Variants in FHIT observed in about 807,000 individuals in gnomAD.
The protein encoded by FHIT is bis(5'-adenosyl)-triphosphatase.
A neutral mutation model predicts 17.9 loss-of-function variants in FHIT; 19 were observed. The ratio of observed to expected loss-of-function variants is 1.06; its 90% CI spans 0.74 to 1.56. The LOEUF (loss-of-function observed/expected upper bound fraction) is 1.56, where lower values mean the gene tolerates loss of function less well. FHIT is among the 40% of genes most tolerant of loss of function. FHIT has a pLI of 0.00. For missense variants in FHIT, 248 were observed against 189.2 expected (o/e 1.31, Z -1.82); for synonymous variants, 81 against 69.7 (o/e 1.16, Z -0.81).
chr3:59,916,893 T>G (rs1301062459), intron 8 of FHIT, among the ~76,000 whole-genome samples: 1 of 152,184 alleles, frequency 6.6e-6, no homozygotes, highest in African/African-American at 2.4e-5. Context: ...AAGTTTTCAT[T>G]CCAAAATTCT....
chr3:60,340,784 C>G (rs555369683), intron 5 of FHIT, among the ~76,000 whole-genome samples: 2 of 152,146 alleles, frequency 1.3e-5, no homozygotes, highest in South Asian at 4.2e-4. Flanking sequence ...CTTGGCTCAC[C>G]ACAACCTTTG....
At chr3:60,517,592 A>T (rs1307062399) in intron 5 of FHIT, among the ~76,000 whole-genome samples, 1 of 152,224 alleles carries the variant, frequency 6.6e-6, no homozygotes, top group Non-Finnish European at 1.5e-5. Flanking sequence ...TATATGGCTT[A>T]TCATTTTTAA....
intron 7 of FHIT, among the ~76,000 whole-genome samples, chr3:60,007,850 T>C (rs1008881305): frequency 6.6e-6 from 1 of 152,090 alleles, no homozygotes; most frequent in Admixed American, 6.5e-5. Context: ...GAAGGTCTTA[T>C]GACCTACTTG....
At chr3:60,558,701 G>A (rs867292602) in intron 4 of FHIT, among the ~76,000 whole-genome samples, 1 of 152,184 alleles carries the variant, frequency 6.6e-6, no homozygotes, top group South Asian at 2.1e-4. Flanking sequence ...CACTCATGTT[G>A]TGGCATCTTC....
At chr3:61,154,258 C>CAA (rs1435748275) in intron 2 of FHIT, among the ~76,000 whole-genome samples, 2 of 152,168 alleles carry the variant, frequency 1.3e-5, no homozygotes, top group Non-Finnish European at 2.9e-5. Context: ...GGACCATTTA[C>CAA]ACTAAATGAA....
rs193031033 is a variant in FHIT, at chr3:60,176,905, A to G, written c.104-162753T>C. 5.3e-5 allele frequency among the ~76,000 whole-genome samples: 8 copies of G among 152,254 alleles called. No individual in the cohort carries two copies. In the East Asian group the frequency reaches 1.4e-3, roughly 26 times the overall value. Reference sequence around the variant, plus strand: ...CTTAATGTTTTCTCCAATTCCTCTAACTCAGGGAAAAGGATCATGGAAAGA... The same window carrying G: ...CTTAATGTTTTCTCCAATTCCTCTAGCTCAGGGAAAAGGATCATGGAAAGA... On this transcript the variant is annotated intron_variant, in intron 5 of 9. Transcript: ENST00000492590.
chr3:60,713,531 C>T (rs2041598177), intron 4 of FHIT, among the ~76,000 whole-genome samples: 1 of 150,014 alleles, frequency 6.7e-6, no homozygotes, highest in Non-Finnish European at 1.5e-5. Flanking sequence ...AGACCGCTAG[C>T]AAGACTAATA....
intron 4 of FHIT, among the ~76,000 whole-genome samples, chr3:60,584,785 CTTT>C (rs2037854497): frequency 1.3e-5 from 2 of 151,898 alleles, no homozygotes; most frequent in African/African-American, 4.8e-5. Context: ...AGCCTATTCC[CTTT>C]TTTATTTTTG....
At chr3:60,518,146 C>T (rs925932090) in intron 5 of FHIT, among the ~76,000 whole-genome samples, 3 of 151,970 alleles carry the variant, frequency 2.0e-5, no homozygotes, top group African/African-American at 7.3e-5. Context: ...CATAAATGAC[C>T]AAGTTGACAA....
chr3:60,533,077 C>A (rs778730641), intron 5 of FHIT, among the ~76,000 whole-genome samples: 1 of 152,140 alleles, frequency 6.6e-6, no homozygotes, highest in Non-Finnish European at 1.5e-5. Flanking sequence ...AAAGAAATGG[C>A]AAAGAACCTT....
intron 8 of FHIT, among the ~76,000 whole-genome samples, chr3:59,852,581 A>G (rs917434343): frequency 4.6e-5 from 7 of 152,134 alleles, no homozygotes; most frequent in African/African-American, 7.2e-5. Context: ...TGTACATTCT[A>G]TGGGTTTGGG....
At chr3:60,782,794 C>G (rs944567972) in intron 4 of FHIT, among the ~76,000 whole-genome samples, 1 of 152,178 alleles carries the variant, frequency 6.6e-6, no homozygotes, top group Non-Finnish European at 1.5e-5. Context: ...GTCTTGCTCT[C>G]TGCTTCCAAG....
At chr3:59,862,049 C>A (rs1235048068) in intron 8 of FHIT, among the ~76,000 whole-genome samples, 1 of 151,946 alleles carries the variant, frequency 6.6e-6, no homozygotes, top group Non-Finnish European at 1.5e-5. Context: ...CTACAGTGTA[C>A]CCTGCCAGTA....
chr3:60,834,886 A>G lies in FHIT; in HGVS notation c.-110-12875T>C, dbSNP rs1211920004. 9.2e-5 allele frequency among the ~76,000 whole-genome samples: 14 copies of G among 151,842 alleles called. No homozygotes were observed. The East Asian group carries it at 1.4e-3, about 15-fold the overall frequency. ...TCTCAAAAAAGAAAAGAAAAGAAAA[A>G]AAAAAAAAAAAACTCTTTCACGGTG... is the stretch of plus-strand genomic sequence containing the variant. On this transcript the variant is annotated intron_variant, in intron 3 of 9. Coordinates refer to ENST00000492590, the MANE Select transcript of FHIT (RefSeq NM_002012.4).
chr3:60,613,507 A>G (rs965025198), intron 4 of FHIT, among the ~76,000 whole-genome samples: 2 of 152,254 alleles, frequency 1.3e-5, no homozygotes, highest in Admixed American at 6.5e-5. Context: ...TCCTGAATGA[A>G]GAGTACCTTT....
At chr3:59,864,895 C>T (rs1166187673) in intron 8 of FHIT, among the ~76,000 whole-genome samples, 1 of 151,912 alleles carries the variant, frequency 6.6e-6, no homozygotes, top group African/African-American at 2.4e-5. Flanking sequence ...TTTCACCTTC[C>T]TATAATCTCC....
intron 5 of FHIT, among the ~76,000 whole-genome samples, chr3:60,173,892 T>C (rs1701530679): frequency 1.4e-5 from 1 of 69,354 alleles, no homozygotes; most frequent in Non-Finnish European, 2.6e-5. Context: ...CTAATATATA[T>C]ATATATATAT....
intron 8 of FHIT, among the ~76,000 whole-genome samples, chr3:59,773,954 A>C (rs1311665419): frequency 6.6e-6 from 1 of 152,208 alleles, no homozygotes; most frequent in Non-Finnish European, 1.5e-5. Flanking sequence ...TAATTATTTC[A>C]TGTTAATTAC....
chr3:60,537,169 A>G (rs2107599866), intron 4 of FHIT, among the ~76,000 whole-genome samples, 190 bp from the exon 5 acceptor site: 1 of 152,106 alleles, frequency 6.6e-6, no homozygotes. Flanking sequence ...CACTCTCCCT[A>G]CCAGTGTTTC....
Sources: allele counts gnomAD v4.1 joint callset (sites outside exome capture counted in the v4.1 genomes callset), GRCh38; gene constraint gnomAD v4.1.1; transcripts MANE v1.5; gene names NCBI Gene and HGNC (gene_info 2026-07-23, HGNC 2026-07-21).